SEC61A2: variants seen among roughly 807,000 people sequenced by gnomAD.
The protein encoded by SEC61A2 is protein transport protein Sec61 subunit alpha isoform 2.
Under a neutral mutation model 59.9 loss-of-function variants are expected in SEC61A2, and 28 were observed. The ratio of observed to expected loss-of-function variants is 0.47; its 90% CI spans 0.35 to 0.64. The LOEUF (loss-of-function observed/expected upper bound fraction) is 0.64, where lower values mean the gene tolerates loss of function less well. Among genes scored for constraint, SEC61A2 ranks in the 30% least tolerant of loss-of-function variants. The probability of loss-of-function intolerance (pLI) is 0.01; values close to 1 mark genes in which losing one functional copy is unlikely to be tolerated. For missense variants in SEC61A2, 340 were observed against 585.9 expected, an observed-to-expected ratio of 0.58 and a Z score of 4.33; for synonymous variants, 202 against 214.4, an observed-to-expected ratio of 0.94 and a Z score of 0.50.
At chr10:12,163,199 C>T (rs931692445) in intron 11 of SEC61A2, among the ~76,000 whole-genome samples, 2 of 151,540 alleles carry the variant, frequency 1.3e-5, no homozygotes, top group African/African-American at 2.4e-5. Context: ...CTGATGGATG[C>T]GAAGTGGGGC....
intron 2 of SEC61A2, 131 bp from the exon 3 acceptor site, chr10:12,135,974 T>C (rs1833872621): frequency 4.4e-6 from 3 of 675,224 alleles, no homozygotes; most frequent in Non-Finnish European, 8.0e-6. Context: ...AATGCTTCCT[T>C]TATAACACAT....
Position 12,160,874 on chromosome 10 carries a change from A to G in SEC61A2, c.976-56A>G. On this transcript the variant is annotated intron_variant, in intron 9 of 11. Coordinates refer to ENST00000298428, the MANE Select transcript of SEC61A2 (RefSeq NM_018144.4). The surrounding 1 kb of genome is among the most constrained non-coding windows in gnomAD (Gnocchi z 4.1). ...TCTGAGAAGTTTGAAGTGACATGCA[A>G]ATGTATTCCTGACTAATTAGGTTGA... is the stretch of plus-strand genomic sequence containing the variant. 7.0e-7 allele frequency: 1 copy of G among 1,434,730 alleles called. No individual in the cohort carries two copies. The highest frequency in any genetic ancestry group is 9.5e-7 in the Non-Finnish European group (1 of 1,048,248). The allele number at this position is 1,434,730 out of a possible 1,614,324, so 88.9% of individuals were successfully genotyped here. A position where few individuals can be genotyped will look rare whatever the true frequency, so the allele number is the denominator to read the frequency against.
In SEC61A2 at chr10:12,145,271, A is replaced by T. The variant is rs1339744356; in HGVS notation, c.220+2076A>T. On this transcript the variant is annotated intron_variant, in intron 4 of 11. Transcript: ENST00000298428. The surrounding 1 kb of genome is among the most constrained non-coding windows in gnomAD (Gnocchi z 4.4). ...TTTTTCCCCCCGATTTTATATCATT[A>T]TAAAGAATGCTACAATGAAGGCTAT... is the stretch of plus-strand genomic sequence containing the variant. Among the ~76,000 whole-genome samples the T allele has an allele frequency of 1.3e-5, 2 of 152,210 alleles. No homozygotes were observed. Among genetic ancestry groups the T allele is most frequent in the Non-Finnish European group, 2.9e-5 (2 of 68,034 alleles).
rs1834124292 is a variant in SEC61A2 at position 12,145,781 on chromosome 10, A to G, written c.220+2586A>G. 6.6e-6 allele frequency among the ~76,000 whole-genome samples: 1 copy of G among 152,228 alleles called. No homozygotes were observed. The highest frequency in any genetic ancestry group is 2.4e-5 in the African/African-American group (1 of 41,462). On this transcript the variant is annotated intron_variant, in intron 4 of 11. Coordinates refer to ENST00000298428, the MANE Select transcript of SEC61A2 (RefSeq NM_018144.4). The surrounding 1 kb of genome is among the most constrained non-coding windows in gnomAD (Gnocchi z 4.4). ...CCCATCTGACATGAAAAGAAAAAAG[A>G]AAAAACATTGTTTTAAATAAAGGAG...
At chr10:12,132,362 C>G (rs1422604848) in intron 1 of SEC61A2, among the ~76,000 whole-genome samples, 2 of 151,902 alleles carry the variant, frequency 1.3e-5, no homozygotes, top group Non-Finnish European at 2.9e-5. Context: ...GCCTGTAATC[C>G]CAGCACTTTG....
In SEC61A2 at chr10:12,165,352, T is replaced by A. The variant is rs1322643994; in HGVS notation, c.*898T>A. On this transcript the variant is annotated 3_prime_UTR_variant, in exon 12 of 12. Coordinates refer to ENST00000298428, the MANE Select transcript of SEC61A2 (RefSeq NM_018144.4). The stretch of plus-strand genomic sequence containing the variant: ...GTGTAAACAGTAGACAATAAACTTT[T>A]ATTTAAGAAAACTGATTCAGTTGTG... 2.0e-5 allele frequency: 20 copies of A among 980,302 alleles called. No homozygotes were observed. The highest frequency in any genetic ancestry group is 2.4e-5 in the Non-Finnish European group (20 of 825,374). 60.7% of individuals were successfully genotyped at this position (980,302 alleles called of 1,614,324 possible). A position where few individuals can be genotyped will look rare whatever the true frequency, so the allele number is the denominator to read the frequency against.
Position 12,129,807 on chromosome 10 carries a change from G to A in SEC61A2, c.7+13G>A. 1 of 1,424,516 alleles carries A rather than the reference G, an allele frequency of 7.0e-7. No individual in the cohort carries two copies. The highest frequency in any genetic ancestry group is 9.2e-7 in the Non-Finnish European group (1 of 1,088,450). The allele number at this position is 1,424,516 out of a possible 1,614,324, so 88.2% of individuals were successfully genotyped here. ...GCAGCCATGGGCAGTGAGTAGCGGC[G>A]GCTGGAGCGGGGACTCTGGCTGGGA... On this transcript the variant is annotated intron_variant, in intron 1 of 11. Transcript: ENST00000298428. The surrounding 1 kb of genome is among the most constrained non-coding windows in gnomAD (Gnocchi z 5.6).
downstream of SEC61A2, chr10:12,167,741 T>G (rs766044683): frequency 6.2e-7 from 1 of 1,614,080 alleles, no homozygotes; most frequent in African/African-American, 1.3e-5. Context: ...GCTTTGCATT[T>G]GCATGTTTCA....
At chr10:12,147,712 G>A (rs909866366) in intron 4 of SEC61A2, among the ~76,000 whole-genome samples, 1 of 151,278 alleles carries the variant, frequency 6.6e-6, no homozygotes, top group Non-Finnish European at 1.5e-5. Flanking sequence ...TTCTATACAT[G>A]TAGCATTTGT....
intron 3 of SEC61A2, among the ~76,000 whole-genome samples, chr10:12,136,901 A>G (rs1833902266): frequency 6.6e-6 from 1 of 152,138 alleles, no homozygotes; most frequent in African/African-American, 2.4e-5. Context: ...AAGTGTTGGT[A>G]TTATAGGCGT....
chr10:12,165,469 T>C, downstream of SEC61A2: 1 of 583,294 alleles, frequency 1.7e-6, no homozygotes. Flanking sequence ...CTGAGATGCC[T>C]GTAAAAGTCA....
chr10:12,146,541 G>A (rs1034424152), intron 4 of SEC61A2, among the ~76,000 whole-genome samples: 7 of 150,710 alleles, frequency 4.6e-5, no homozygotes, highest in South Asian at 2.1e-4. Context: ...TTTTTGAGAC[G>A]GAGTCTCGCT....
At chr10:12,147,486 A>G (rs1333255116) in intron 4 of SEC61A2, among the ~76,000 whole-genome samples, 14 of 152,056 alleles carry the variant, frequency 9.2e-5, no homozygotes, top group Admixed American at 9.2e-4. Flanking sequence ...GGAATTTGAG[A>G]CCTGACTGGC....
In SEC61A2 at chr10:12,149,135, G is replaced by T. The variant is rs1432122647; in HGVS notation, c.221-460G>T. ...GATGGAGTCTCACTCTGTTGCCCGG[G>T]CTGGAGTGCAGTGGCGCAATCTCGG... On this transcript the variant is annotated intron_variant, in intron 4 of 11. Transcript: ENST00000298428. This position sits in a 1 kb window ranked among gnomAD's most constrained non-coding sequence, Gnocchi z 5.2. Among the ~76,000 whole-genome samples, 1 of 152,040 alleles carries T rather than the reference G, an allele frequency of 6.6e-6. No individual in the cohort carries two copies. Among genetic ancestry groups the T allele is most frequent in the Non-Finnish European group, 1.5e-5 (1 of 68,006 alleles).
At chr10:12,134,940 A>T (rs960111266) in intron 2 of SEC61A2, among the ~76,000 whole-genome samples, 1 of 151,974 alleles carries the variant, frequency 6.6e-6, no homozygotes, top group Non-Finnish European at 1.5e-5. Flanking sequence ...AAAGAAAAAA[A>T]GTCTACCTAG....
chr10:12,166,669 G>C, downstream of SEC61A2: 2 of 488,880 alleles, frequency 4.1e-6, no homozygotes, highest in Non-Finnish European at 8.4e-6. Context: ...ACTTAGGGCT[G>C]GATGAGAATC....
chr10:12,153,691 T>C lies in SEC61A2; in HGVS notation c.463-2087T>C, dbSNP rs1230898613. On this transcript the variant is annotated intron_variant, in intron 6 of 11. Transcript: ENST00000298428. The surrounding 1 kb of genome is among the most constrained non-coding windows in gnomAD (Gnocchi z 5.2). ...TAATGTTAATATATAAAGAGGGGTG[T>C]CATGTTTGATTGTAGGTGGGCAGTG... 6.3e-7 allele frequency: 1 copy of C among 1,595,254 alleles called. No homozygotes were observed. The highest frequency in any genetic ancestry group is 8.5e-7 in the Non-Finnish European group (1 of 1,172,668).
chr10:12,167,975 T>A, downstream of SEC61A2: 1 of 1,294,272 alleles, frequency 7.7e-7, no homozygotes, highest in Non-Finnish European at 1.0e-6. Context: ...GAATAAAGAC[T>A]ATAAAGGCAA....
chr10:12,139,519 T>G (rs993663908), intron 3 of SEC61A2, among the ~76,000 whole-genome samples: 72 of 151,474 alleles, frequency 4.8e-4, no homozygotes, highest in African/African-American at 1.7e-3. Context: ...GCGCGGTAGC[T>G]CACACCTATA....
Sources: gnomAD v4.1 joint callset for allele counts (sites outside exome capture counted in the v4.1 genomes callset) on GRCh38, gnomAD v4.1.1 for gene constraint, Gnocchi (gnomAD v3.1) non-coding constraint, MANE v1.5 for transcripts, NCBI Gene and HGNC (gene_info 2026-07-23, HGNC 2026-07-21) for gene names.